Variants in POTEE observed in about 807,000 individuals in gnomAD.
POTEE encodes POTE ankyrin domain family member E.
A neutral mutation model predicts 74.2 loss-of-function variants in POTEE; 21 were observed. The ratio of observed to expected loss-of-function variants is 0.28; its 90% CI spans 0.20 to 0.41. The LOEUF (loss-of-function observed/expected upper bound fraction) is 0.41, where lower values mean the gene tolerates loss of function less well. Ranked by LOEUF, POTEE falls within the 10% of genes least tolerant of loss-of-function variation. The probability of loss-of-function intolerance (pLI) is 1.00; values close to 1 mark genes in which losing one functional copy is unlikely to be tolerated. For missense variants in POTEE, 525 were observed against 1,158.6 expected, an observed-to-expected ratio of 0.45 and a Z score of 7.94; for synonymous variants, 211 against 432.8, an observed-to-expected ratio of 0.49 and a Z score of 6.36.
At chr2:131,235,090 C>A (rs1053994030) in intron 9 of POTEE, among the ~76,000 whole-genome samples, 2 of 146,790 alleles carry the variant, frequency 1.4e-5, no homozygotes, top group East Asian at 2.0e-4. Context: ...TCTTTCAGGC[C>A]TCGCTCCCGC....
At chr2:131,225,652 G>A (rs1312138686) in intron 6 of POTEE, among the ~76,000 whole-genome samples, 2 of 144,068 alleles carry the variant, frequency 1.4e-5, no homozygotes, top group South Asian at 2.2e-4. Flanking sequence ...CTGCAGCCTC[G>A]ACCTCTCCAA....
chr2:131,256,918 T>G (rs369088879), intron 16 of POTEE, among the ~76,000 whole-genome samples: 1 of 152,274 alleles, frequency 6.6e-6, no homozygotes, highest in African/African-American at 2.4e-5. Context: ...TCTAACGTAA[T>G]TGAGGGAAGG....
intron 8 of POTEE, among the ~76,000 whole-genome samples, chr2:131,230,595 T>A (rs563795062): frequency 6.6e-6 from 1 of 152,178 alleles, no homozygotes; most frequent in Non-Finnish European, 1.5e-5. Context: ...ATGCTAATGC[T>A]AGCTAATTTA....
chr2:131,210,645 G>A (rs1467689174), intron 1 of POTEE, among the ~76,000 whole-genome samples: 21 of 151,644 alleles, frequency 1.4e-4, no homozygotes, highest in Non-Finnish European at 2.2e-4. Flanking sequence ...TCTGTGTTGG[G>A]GAGACCACCT....
intron 4 of POTEE, among the ~76,000 whole-genome samples, chr2:131,222,682 G>A (rs1247803166): frequency 1.3e-5 from 2 of 152,166 alleles, no homozygotes; most frequent in African/African-American, 4.8e-5. Flanking sequence ...TAGATATATT[G>A]TATAAATCTA....
chr2:131,210,189 TTACTCAGG>T (rs1193121980), intron 1 of POTEE, among the ~76,000 whole-genome samples: 1 of 133,162 alleles, frequency 7.5e-6, no homozygotes, highest in Admixed American at 7.6e-5. Context: ...TGCACTGCCC[TTACTCAGG>T]GTGCGCTATC....
Position 131,263,378 on chromosome 2 carries a change from A to G in POTEE, c.1923A>G (p.Glu641=), listed in dbSNP as rs776184465. Residue 641 remains glutamate (E), a synonymous_variant, in exon 18 of 18, where the codon GAA becomes GAG. Transcript: ENST00000683005. ...NSELSLSCKK[E]KDVLHENSTL... ...AGCTTTCTCTTAGTTGTAAGAAAGA[A>G]AAAGACGTCTTGCATGAAAATAGTA... 2.3e-5 allele frequency: 37 copies of G among 1,611,636 alleles called. No individual in the cohort carries two copies. The South Asian group carries it at 3.8e-4, about 17-fold the overall frequency.
intron 3 of POTEE, among the ~76,000 whole-genome samples, 167 bp downstream of exon 3, chr2:131,217,850 C>T (rs910302479): frequency 6.7e-5 from 10 of 150,022 alleles, no homozygotes; most frequent in South Asian, 4.2e-4. Flanking sequence ...ACGCGCATAA[C>T]GGTTTGGCCG....
chr2:131,234,098 C>A (rs1701051511), intron 9 of POTEE, among the ~76,000 whole-genome samples: 1 of 150,362 alleles, frequency 6.7e-6, no homozygotes, highest in South Asian at 2.1e-4. Flanking sequence ...TGATAAATGT[C>A]CATGTGTATC....
rs1175916181 is a variant in POTEE at position 131,263,906 on chromosome 2, G to C, written c.2451G>C (p.Glu817Asp). The C allele has an allele frequency of 1.9e-6, 3 of 1,614,190 alleles. No homozygotes were observed. Among genetic ancestry groups the C allele is most frequent in the Non-Finnish European group, 2.5e-6 (3 of 1,180,030 alleles). ...EAPLNPKANREKMTQIMFETF... is the reference protein window; with the variant it reads ...EAPLNPKANRDKMTQIMFETF... ...CCCTGAACCCCAAGGCCAACCGCGA[G>C]AAGATGACCCAGATCATGTTTGAGA... Residue 817 changes from glutamate to aspartate, a missense_variant, in exon 18 of 18, where the codon GAG becomes GAC. Glu to Asp is a conservative substitution (Grantham distance 45). Transcript: ENST00000683005.
intron 9 of POTEE, among the ~76,000 whole-genome samples, chr2:131,231,778 A>C (rs1322562616): frequency 6.6e-6 from 1 of 152,082 alleles, no homozygotes; most frequent in African/African-American, 2.4e-5. Context: ...TTATAATAAA[A>C]GCAGAAAAAC....
chr2:131,236,948 AT>A (rs933734790), intron 10 of POTEE, 146 bp downstream of exon 10: 6 of 241,834 alleles, frequency 2.5e-5, no homozygotes, highest in Non-Finnish European at 4.6e-5. Context: ...GATTGTTAAA[AT>A]TTATTTTAAT....
chr2:131,227,032 G>A, intron 7 of POTEE, 103 bp downstream of exon 7: 3 of 1,455,880 alleles, frequency 2.1e-6, no homozygotes, highest in Non-Finnish European at 2.8e-6. Context: ...GGGATGTAGT[G>A]ATCAGTATCA....
chr2:131,263,835 C>T lies in POTEE; in HGVS notation c.2380C>T (p.Leu794=), dbSNP rs1219392522. The stretch of plus-strand genomic sequence containing the variant: ...CTGGCACCACACCTTCTACAACGAG[C>T]TGCGTGTGGCTCCCGAGGAGCACCC... ...KIWHHTFYNE[L]RVAPEEHPIL... is the part of the protein sequence containing the mutation. Residue 794 remains leucine (L), a synonymous_variant, in exon 18 of 18, where the codon CTG becomes TTG. Coordinates refer to ENST00000683005, the MANE Select transcript of POTEE (RefSeq NM_001083538.3). 29 of 1,614,042 alleles carry T rather than the reference C, an allele frequency of 1.8e-5. No homozygotes were observed. Among genetic ancestry groups the T allele is most frequent in the Non-Finnish European group, 2.4e-5 (28 of 1,180,046 alleles).
intron 2 of POTEE, among the ~76,000 whole-genome samples, chr2:131,212,689 C>T (rs1260605944): frequency 7.0e-4 from 104 of 149,036 alleles, no homozygotes; most frequent in Non-Finnish European, 1.1e-3. Flanking sequence ...CTCAGCCTCC[C>T]GAGTAACTGG....
At chr2:131,218,145 C>T (rs1242244762) in intron 3 of POTEE, 165 bp from the exon 4 acceptor site, 5 of 788,598 alleles carry the variant, frequency 6.3e-6, no homozygotes, top group African/African-American at 5.2e-5. Context: ...CGGGGGTTGG[C>T]CCTTTCTGGG....
Position 131,226,926 on chromosome 2 carries a change from G to C in POTEE, c.914G>C (p.Gly305Ala). ...KANLNALDRY[G>A]RTALILAVCC... ...AATTTAAATGCACTGGATAGATATG[G>C]AAGGTATAGTTCTTTCTTTTAATCT... The change falls in exon 7 of 18, where the codon GGA becomes GCA. Residue 305 changes from glycine to alanine, a missense_variant. Transcript: ENST00000683005. 6.2e-7 allele frequency: 1 copy of C among 1,611,534 alleles called. No homozygotes were observed. The highest frequency in any genetic ancestry group is 2.2e-5 in the East Asian group (1 of 44,858).
In POTEE at chr2:131,209,546, C is replaced by T. The variant is rs1388184343; in HGVS notation, c.-618C>T. On this transcript the variant is annotated 5_prime_UTR_variant, in exon 1 of 18. Transcript: ENST00000683005. The stretch of plus-strand genomic sequence containing the variant: ...AGGTGGCGTCAGGTCATTTCAGGCT[C>T]TTAAGTGTGGGCGTTTGGTAACCGG... 1.3e-5 allele frequency among the ~76,000 whole-genome samples: 2 copies of T among 152,208 alleles called. No homozygotes were observed. Among genetic ancestry groups the T allele is most frequent in the African/African-American group, 2.4e-5 (1 of 41,454 alleles).
At chr2:131,220,977 A>G (rs983747847) in intron 4 of POTEE, among the ~76,000 whole-genome samples, 1 of 151,574 alleles carries the variant, frequency 6.6e-6, no homozygotes, top group Non-Finnish European at 1.5e-5. Flanking sequence ...AAAAAAAGAA[A>G]AAAAAAAAGG....
Sources: gnomAD v4.1 joint callset for allele counts (sites outside exome capture counted in the v4.1 genomes callset) on GRCh38, gnomAD v4.1.1 for gene constraint, MANE v1.5 for transcripts, NCBI Gene and HGNC (gene_info 2026-07-23, HGNC 2026-07-21) for gene names.